The following HMCN1 variants were observed in gnomAD, a reference collection of about 807,000 sequenced individuals.
HMCN1 encodes the protein hemicentin 1.
Under a neutral mutation model 625.9 loss-of-function variants are expected in HMCN1, and 321 were observed. The observed-to-expected ratio is 0.51, with a 90% CI of 0.47 to 0.56. The LOEUF (loss-of-function observed/expected upper bound fraction) is 0.56. HMCN1 is among the 20% of genes least tolerant of loss of function. The probability of loss-of-function intolerance (pLI) is 0.00; values close to 1 mark genes in which losing one functional copy is unlikely to be tolerated. For synonymous variants in HMCN1, 2,425 were observed against 2,417.6 expected (o/e 1.00, Z -0.09); for missense variants, 6,588 against 6,887.3 (o/e 0.96, Z 1.54).
At chr1:185,879,027 G>A (rs1256643427) in intron 4 of HMCN1, among the ~76,000 whole-genome samples, 2 of 152,136 alleles carry the variant, frequency 1.3e-5, no homozygotes, top group East Asian at 3.9e-4. Context: ...AGTTATCCAG[G>A]CTCAAGTGGC....
chr1:186,174,219 C>T (rs1258540133), intron 102 of HMCN1, among the ~76,000 whole-genome samples: 3 of 152,060 alleles, frequency 2.0e-5, no homozygotes, highest in Non-Finnish European at 4.4e-5. Flanking sequence ...ACTCTAATCA[C>T]TTGTATAAAT....
At chr1:186,012,004 G>A (rs1035630654) in intron 30 of HMCN1, among the ~76,000 whole-genome samples, 2 of 152,182 alleles carry the variant, frequency 1.3e-5, no homozygotes, top group Non-Finnish European at 2.9e-5. Flanking sequence ...GACCTGCTGT[G>A]TGGTAAGGCC....
At chr1:185,854,308 CAGG>C (rs775984324) in intron 2 of HMCN1, among the ~76,000 whole-genome samples, 15 of 152,176 alleles carry the variant, frequency 9.9e-5, no homozygotes, top group Non-Finnish European at 1.9e-4. Context: ...AAAAAAAATT[CAGG>C]AGAATTGTGG....
intron 1 of HMCN1, among the ~76,000 whole-genome samples, chr1:185,827,224 G>T (rs963408005): frequency 7.2e-6 from 1 of 139,094 alleles, no homozygotes; most frequent in African/African-American, 2.6e-5. Flanking sequence ...AGGAAATGAA[G>T]AGGGAAACCA....
At chr1:185,824,619 T>C (rs1355011347) in intron 1 of HMCN1, among the ~76,000 whole-genome samples, 3 of 152,142 alleles carry the variant, frequency 2.0e-5, no homozygotes, top group Non-Finnish European at 4.4e-5. Flanking sequence ...TGAAGACTTT[T>C]GGAGTTTTCA....
chr1:185,846,075 A>C lies in HMCN1; in HGVS notation c.318A>C (p.Glu106Asp). ...ITTDPKKFQY[E>D]LRELYVQGGG... The stretch of plus-strand genomic sequence containing the variant: ...CAGATCCCAAGAAATTTCAATATGA[A>C]CTCAGAGAACTGTATGTTCAGGTGA... The change falls in exon 2 of 107, where the codon GAA becomes GAC. Residue 106 changes from glutamate to aspartate, a missense_variant. Around this residue, in one of 3 missense-constraint regions of HMCN1, gnomAD observed 4,628 missense variants for 4,853.1 expected, o/e 0.95. Transcript: ENST00000271588. 23 of 1,611,610 alleles carry C rather than the reference A, an allele frequency of 1.4e-5. No individual in the cohort carries two copies. The highest frequency in any genetic ancestry group is 2.0e-5 in the Non-Finnish European group (23 of 1,177,982).
rs1473182847 is a variant in HMCN1 at position 186,095,270 on chromosome 1, G to A, written c.10322G>A (p.Gly3441Glu). The A allele has an allele frequency of 1.9e-6, 3 of 1,613,534 alleles. No homozygotes were observed. The highest frequency in any genetic ancestry group is 1.7e-6 in the Non-Finnish European group (2 of 1,179,790). ...CCACCAAATATGGACAATTCAATGG[G>A]GACAGAGGAAATCACAGTTCTCAAA... ...FAPPNMDNSM[G>E]TEEITVLKGS... The change falls in exon 68 of 107, where the codon GGG becomes GAG. Residue 3441 changes from glycine (G) to glutamate (E), a missense_variant. Around this residue, in one of 3 missense-constraint regions of HMCN1, gnomAD observed 4,628 missense variants for 4,853.1 expected, o/e 0.95. Transcript: ENST00000271588.
chr1:186,189,885 C>T lies in HMCN1; in HGVS notation c.*7C>T. Reference sequence around the variant, plus strand: ...GTCCGCCTATCCATACTAAGGAACTCTCCAAAGCCTATTCCACATATTTAA... The same window carrying T: ...GTCCGCCTATCCATACTAAGGAACTTTCCAAAGCCTATTCCACATATTTAA... On this transcript the variant is annotated 3_prime_UTR_variant, in exon 107 of 107. Transcript: ENST00000271588. 6.2e-7 allele frequency: 1 copy of T among 1,613,144 alleles called. No homozygotes were observed. The highest frequency in any genetic ancestry group is 8.5e-7 in the Non-Finnish European group (1 of 1,179,670).
intron 11 of HMCN1, among the ~76,000 whole-genome samples, chr1:185,945,147 A>G (rs1221225101): frequency 1.3e-5 from 2 of 152,208 alleles, no homozygotes; most frequent in Non-Finnish European, 2.9e-5. Flanking sequence ...AAGGAGGAAT[A>G]TTTATTTACT....
chr1:186,038,639 C>G (rs769335200), intron 37 of HMCN1, among the ~76,000 whole-genome samples, 190 bp from the exon 38 acceptor site: 1 of 152,048 alleles, frequency 6.6e-6, no homozygotes, highest in Non-Finnish European at 1.5e-5. Flanking sequence ...GACTCACCGA[C>G]TTGGATCTTG....
At chr1:186,058,040 C>T (rs1205231803) in intron 46 of HMCN1, among the ~76,000 whole-genome samples, 2 of 151,862 alleles carry the variant, frequency 1.3e-5, no homozygotes, top group East Asian at 3.9e-4. Context: ...TAATAAAAAG[C>T]TTAGATACTT....
intron 25 of HMCN1, 82 bp downstream of exon 25, chr1:185,997,606 T>G: frequency 2.1e-6 from 2 of 968,730 alleles, no homozygotes; most frequent in South Asian, 2.6e-5. Context: ...TTGTCATCCT[T>G]ATAAAATTCC....
chr1:185,866,697 C>T (rs944914527), intron 4 of HMCN1, among the ~76,000 whole-genome samples: 1 of 152,042 alleles, frequency 6.6e-6, no homozygotes, highest in East Asian at 1.9e-4. Flanking sequence ...TGAGCCACCG[C>T]GTCTGGACCA....
At chr1:185,764,969 C>T (rs145917074) in intron 1 of HMCN1, among the ~76,000 whole-genome samples, 131 of 152,248 alleles carry the variant, frequency 8.6e-4, no homozygotes, top group African/African-American at 3.1e-3. Flanking sequence ...CCTATGCAGC[C>T]TTACTTTCTT....
chr1:185,789,934 T>C (rs1406519521), intron 1 of HMCN1, among the ~76,000 whole-genome samples: 2 of 152,242 alleles, frequency 1.3e-5, no homozygotes, highest in Non-Finnish European at 2.9e-5. Flanking sequence ...TAAATCTGTT[T>C]AAAAGAGCTT....
rs41317469 is a variant in HMCN1 at position 185,997,403 on chromosome 1, T to C, written c.3779-26T>C. ...TTTGAAATTGCTCAAAGAAAGCCTG[T>C]GATAATGCATTTATTTTCCTAATAG... is the stretch of plus-strand genomic sequence containing the variant. On this transcript the variant is annotated intron_variant, in intron 24 of 106. Coordinates refer to ENST00000271588, the MANE Select transcript of HMCN1 (RefSeq NM_031935.3). The C allele has an allele frequency of 3.0e-3, 4,302 of 1,446,560 alleles. 11 individuals carry two copies. Among genetic ancestry groups the C allele is most frequent in the Non-Finnish European group, 3.5e-3 (3,574 of 1,028,314 alleles). 89.6% of individuals were successfully genotyped at this position (1,446,560 alleles called of 1,614,324 possible).
At chr1:186,023,597 A>T (rs979082481) in intron 36 of HMCN1, among the ~76,000 whole-genome samples, 9 of 152,264 alleles carry the variant, frequency 5.9e-5, no homozygotes, top group African/African-American at 2.2e-4. Flanking sequence ...GTGGCCACAG[A>T]GCACCTCAAT....
chr1:186,087,983 G>T lies in HMCN1; in HGVS notation c.9415G>T (p.Asp3139Tyr). The T allele has an allele frequency of 1.2e-6, 2 of 1,613,132 alleles. No individual in the cohort carries two copies. The highest frequency in any genetic ancestry group is 1.7e-6 in the Non-Finnish European group (2 of 1,179,412). Reference protein sequence around the residue: ...VCRAINVAGRDDKNFHLNVYV... With the variant: ...VCRAINVAGRYDKNFHLNVYV... ...TAGAGCTATAAATGTAGCAGGACGGGATGATAAAAATTTCCACCTCAATGT... is the reference window on the plus strand; with the variant it reads ...TAGAGCTATAAATGTAGCAGGACGGTATGATAAAAATTTCCACCTCAATGT... Residue 3139 changes from aspartate (D) to tyrosine (Y), a missense_variant, in exon 61 of 107, where the codon GAT becomes TAT. Transcript: ENST00000271588.
intron 15 of HMCN1, among the ~76,000 whole-genome samples, chr1:185,973,402 G>A (rs1650967656): frequency 6.6e-6 from 1 of 151,876 alleles, no homozygotes; most frequent in South Asian, 2.1e-4. Context: ...TTAAAGAAAG[G>A]GCTTGAGACA....
Sources: allele counts gnomAD v4.1 joint callset (sites outside exome capture counted in the v4.1 genomes callset), GRCh38; gene constraint gnomAD v4.1.1; regional missense constraint gnomAD v4.1.1; transcripts MANE v1.5; gene names NCBI Gene and HGNC (gene_info 2026-07-23, HGNC 2026-07-21).